The following PNPLA6 variants were observed in gnomAD, a reference collection of about 807,000 sequenced individuals.
The protein encoded by PNPLA6 is patatin like domain 6, lysophospholipase.
In PNPLA6, 105 loss-of-function variants were observed where a neutral mutation model predicts 153.7. The observed-to-expected ratio is 0.68, with a 90% CI of 0.58 to 0.80. The LOEUF is 0.80. Among genes scored for constraint, PNPLA6 ranks in the 30% least tolerant of loss-of-function variants. The pLI is 0.00. For missense variants in PNPLA6, 1,423 were observed against 1,919.3 expected (o/e 0.74, Z 4.83); for synonymous variants, 825 against 822.2 (o/e 1.00, Z -0.06).
At position 7,555,966 on chromosome 19, in the gene PNPLA6, A is replaced by C. The variant is rs1022109208; in HGVS notation, c.3093+203A>C. The stretch of plus-strand genomic sequence containing the variant: ...TTGGGACCTCCTGTCTACTGACCCT[A>C]ACCCATAACCCCCAACGAGAGCACC... On this transcript the variant is annotated intron_variant, in intron 24 of 31. Transcript: ENST00000600737. This position sits in a 1 kb window ranked among gnomAD's most constrained non-coding sequence, Gnocchi z 6.3. Among the ~76,000 whole-genome samples, 2 of 151,332 alleles carry C rather than the reference A, an allele frequency of 1.3e-5. No individual in the cohort carries two copies. Among genetic ancestry groups the C allele is most frequent in the Non-Finnish European group, 1.5e-5 (1 of 67,886 alleles).
chr19:7,553,771 G>A (rs1386390572), intron 18 of PNPLA6, 104 bp from the exon 19 acceptor site: 1 of 1,475,944 alleles, frequency 6.8e-7, no homozygotes, highest in Non-Finnish European at 9.5e-7. Flanking sequence ...GAGCACAGGA[G>A]CAAGAATTTC....
rs779667737 is a variant in PNPLA6, at chr19:7,556,464, G to A, written c.3105G>A (p.Ser1035=). ...RAREWAKSMT[S]VLEPVLDLTY... ...CCCCTTGTCCCTAGAGCATGACTTCGGTGCTGGAACCTGTGTTGGACCTCA... is the reference window on the plus strand; with the variant it reads ...CCCCTTGTCCCTAGAGCATGACTTCAGTGCTGGAACCTGTGTTGGACCTCA... Residue 1035 remains serine, a synonymous_variant, in exon 25 of 32, where the codon TCG becomes TCA. Transcript: ENST00000600737. The A allele has an allele frequency of 6.8e-6, 11 of 1,610,876 alleles. No homozygotes were observed. Among genetic ancestry groups the A allele is most frequent in the East Asian group, 2.2e-5 (1 of 44,854 alleles).
chr19:7,548,505 C>T lies in PNPLA6; in HGVS notation c.1609-1402C>T, dbSNP rs111471918. Among the ~76,000 whole-genome samples the T allele has an allele frequency of 7.9e-3, 1,194 of 152,088 alleles. 8 individuals are homozygous for T. The highest frequency in any genetic ancestry group is 0.013 in the Non-Finnish European group (891 of 68,016). ...TGGGCCACGTGCAGCCCGTGGGCAG[C>T]AGGGTGGACAAGCTTGCTTTAAATC... On this transcript the variant is annotated intron_variant, in intron 13 of 31. Coordinates refer to ENST00000600737, the MANE Select transcript of PNPLA6 (RefSeq NM_001166114.2).
At position 7,555,437 on chromosome 19, in the gene PNPLA6, G is replaced by T. The variant is rs954933729; in HGVS notation, c.2936+70G>T. On this transcript the variant is annotated intron_variant, in intron 23 of 31. Coordinates refer to ENST00000600737, the MANE Select transcript of PNPLA6 (RefSeq NM_001166114.2). The surrounding 1 kb of genome is among the most constrained non-coding windows in gnomAD (Gnocchi z 6.3). ...AGGGTGGAGCTTCCTGGGAGAAACC[G>T]TGGGGGCGGGGCCTGGGTGTTCGAG... The T allele has an allele frequency of 1.3e-5, 18 of 1,341,704 alleles. No individual in the cohort carries two copies. The highest frequency in any genetic ancestry group is 1.9e-5 in the Non-Finnish European group (18 of 969,446). The allele number at this position is 1,341,704 out of a possible 1,614,324, so 83.1% of individuals were successfully genotyped here.
At position 7,554,608 on chromosome 19, in the gene PNPLA6, G is replaced by C. The variant is rs368814522; in HGVS notation, c.2519G>C (p.Arg840Pro). 1.3e-5 allele frequency: 21 copies of C among 1,613,934 alleles called. No homozygotes were observed. Among genetic ancestry groups the C allele is most frequent in the Admixed American group, 1.7e-5 (1 of 59,996 alleles). ...CTGGCCCAGCAGGAGGATGCACACC[G>C]TATCGTACTCTACCAGACGGACGCC... Reference protein sequence around the residue: ...GWLAQQEDAHRIVLYQTDASL... With the variant: ...GWLAQQEDAHPIVLYQTDASL... Residue 840 changes from arginine (R) to proline (P), a missense_variant, in exon 21 of 32, where the codon CGT (arginine) becomes CCT (proline). This residue lies in a region of PNPLA6 where 643 missense variants were observed against 835.2 expected (regional missense o/e 0.77). Coordinates refer to ENST00000600737, the MANE Select transcript of PNPLA6 (RefSeq NM_001166114.2).
intron 13 of PNPLA6, among the ~76,000 whole-genome samples, chr19:7,544,881 C>G (rs1019975891): frequency 3.9e-5 from 6 of 152,110 alleles, no homozygotes; most frequent in Non-Finnish European, 8.8e-5. Context: ...TTTGGGGGCC[C>G]CTGGGCCCTG....
At chr19:7,546,632 C>T (rs1374880500) in intron 13 of PNPLA6, among the ~76,000 whole-genome samples, 2 of 152,174 alleles carry the variant, frequency 1.3e-5, no homozygotes, top group Non-Finnish European at 2.9e-5. Context: ...TGGTCTTGAA[C>T]TCCTGACCTG....
chr19:7,556,897 G>T, intron 26 of PNPLA6, 173 bp downstream of exon 26: 1 of 697,718 alleles, frequency 1.4e-6, no homozygotes, highest in Non-Finnish European at 2.6e-6. Flanking sequence ...CCCCAGGTAC[G>T]TCCGTCCTTG....
chr19:7,558,855 A>C lies in PNPLA6; in HGVS notation c.3403A>C (p.Ile1135Leu), dbSNP rs1240608308. ...GGYINNLPADIARSMGAKTVI... is the reference protein window; with the variant it reads ...GGYINNLPADLARSMGAKTVI... Reference sequence around the variant, plus strand: ...TGACCCCCCTGGCCCCACAGCGGACATCGCCCGCAGCATGGGTGCCAAAAC... The same window carrying C: ...TGACCCCCCTGGCCCCACAGCGGACCTCGCCCGCAGCATGGGTGCCAAAAC... The change falls in exon 28 of 32, where the codon ATC becomes CTC. Residue 1135 changes from isoleucine to leucine, a missense_variant. By Grantham distance (5) the Ile-to-Leu change is conservative. Around this residue, in one of 10 missense-constraint regions of PNPLA6, gnomAD observed 643 missense variants for 835.2 expected, o/e 0.77. Coordinates refer to ENST00000600737, the MANE Select transcript of PNPLA6 (RefSeq NM_001166114.2). The C allele has an allele frequency of 6.2e-7, 1 of 1,607,868 alleles. No individual in the cohort carries two copies. The highest frequency in any genetic ancestry group is 2.2e-5 in the East Asian group (1 of 44,832).
intron 29 of PNPLA6, 117 bp from the exon 30 acceptor site, chr19:7,560,897 C>A: frequency 1.2e-6 from 1 of 856,602 alleles, no homozygotes; most frequent in Non-Finnish European, 1.9e-6. Context: ...CCTCTGCTGA[C>A]TTCAGAGAGT....
rs568874677 is a variant in PNPLA6, at chr19:7,544,268, C to T, written c.1608+1184C>T. 7.2e-5 allele frequency among the ~76,000 whole-genome samples: 11 copies of T among 152,216 alleles called. No individual in the cohort carries two copies. In the East Asian group the frequency reaches 1.4e-3, roughly 19 times the overall value. ...CTGGGATTACAGGGTTGTGCCACCA[C>T]GCCTGGCTACTTTTTATATTTTTAG... is the stretch of plus-strand genomic sequence containing the variant. On this transcript the variant is annotated intron_variant, in intron 13 of 31. Coordinates refer to ENST00000600737, the MANE Select transcript of PNPLA6 (RefSeq NM_001166114.2).
Position 7,554,673 on chromosome 19 carries a change from G to A in PNPLA6, c.2584G>A (p.Asp862Asn). The part of the protein sequence containing the change: ...PWTVRCLRQA[D>N]CILIVGLGDQ... ...GACCGTGCGCTGCCTGCGACAGGCC[G>A]ACTGCATCCTCATTGTGGGCCTGGG... is the stretch of plus-strand genomic sequence containing the variant. Residue 862 changes from aspartate (D) to asparagine (N), a missense_variant, in exon 21 of 32, where the codon GAC becomes AAC. Asp to Asn is a conservative substitution (Grantham distance 23, BLOSUM62 1). Transcript: ENST00000600737. The A allele has an allele frequency of 6.2e-7, 1 of 1,613,830 alleles. No individual in the cohort carries two copies. The highest frequency in any genetic ancestry group is 8.5e-7 in the Non-Finnish European group (1 of 1,179,972).
chr19:7,550,225 A>G, intron 14 of PNPLA6, 73 bp from the exon 15 acceptor site: 1 of 1,610,940 alleles, frequency 6.2e-7, no homozygotes, highest in Admixed American at 1.7e-5. Flanking sequence ...GGGAGCCCCC[A>G]GATCTGGCCT....
chr19:7,546,096 C>T (rs1040447539), intron 13 of PNPLA6, among the ~76,000 whole-genome samples: 16 of 151,986 alleles, frequency 1.1e-4, no homozygotes, highest in African/African-American at 3.6e-4. Context: ...GGTGGCACCT[C>T]TAAGGGCATG....
At chr19:7,539,195 C>T (rs1318729122) in intron 3 of PNPLA6, among the ~76,000 whole-genome samples, 1 of 152,148 alleles carries the variant, frequency 6.6e-6, no homozygotes, top group Non-Finnish European at 1.5e-5. Flanking sequence ...TAAATGTGGC[C>T]AGCCGGGTGC....
At position 7,543,150 on chromosome 19, in the gene PNPLA6, T is replaced by G. The variant is rs1246721967; in HGVS notation, c.1608+66T>G. 7 of 1,346,102 alleles carry G rather than the reference T, an allele frequency of 5.2e-6. No individual in the cohort carries two copies. In the Admixed American group the frequency reaches 1.2e-4, roughly 23 times the overall value. 83.4% of individuals were successfully genotyped at this position (1,346,102 alleles called of 1,614,324 possible). A position where few individuals can be genotyped will look rare whatever the true frequency, so the allele number is the denominator to read the frequency against. Reference sequence around the variant, plus strand: ...CATTCCCTATGACTTCTGTGACCTCTGATCCCTGCCCTTTGACTGTAAGAC... The same window carrying G: ...CATTCCCTATGACTTCTGTGACCTCGGATCCCTGCCCTTTGACTGTAAGAC... On this transcript the variant is annotated intron_variant, in intron 13 of 31. Transcript: ENST00000600737.
chr19:7,550,500 C>T lies in PNPLA6; in HGVS notation c.1947-17C>T, dbSNP rs2023596048. The T allele has an allele frequency of 1.9e-6, 3 of 1,612,804 alleles. No homozygotes were observed. The highest frequency in any genetic ancestry group is 1.3e-5 in the African/African-American group (1 of 74,942). ...CCTGGGGGTGGTCAGACCTTGCTGACCTCCACGCCCACTCAGGCAGGGCGA... is the reference window on the plus strand; with the variant it reads ...CCTGGGGGTGGTCAGACCTTGCTGATCTCCACGCCCACTCAGGCAGGGCGA... On this transcript the variant is annotated splice_polypyrimidine_tract_variant and intron_variant, in intron 15 of 31. Coordinates refer to ENST00000600737, the MANE Select transcript of PNPLA6 (RefSeq NM_001166114.2).
chr19:7,536,581 G>C, intron 3 of PNPLA6, 35 bp downstream of exon 3: 1 of 1,376,500 alleles, frequency 7.3e-7, no homozygotes, highest in Non-Finnish European at 1.0e-6. Context: ...GGTATTAGGG[G>C]TTATCTCAGG....
chr19:7,555,089 CG>C lies in PNPLA6; in HGVS notation c.2817+16del. ...CCTGCCAAGCTGGTGAGGAGCGGGC[CG>C]GCCCCCACCTTCTAGGGGCGTGGCT... On this transcript the variant is annotated intron_variant, in intron 22 of 31. Coordinates refer to ENST00000600737, the MANE Select transcript of PNPLA6 (RefSeq NM_001166114.2). This position sits in a 1 kb window ranked among gnomAD's most constrained non-coding sequence, Gnocchi z 6.3. The C allele has an allele frequency of 1.9e-6, 3 of 1,591,212 alleles. No individual in the cohort carries two copies. Among genetic ancestry groups the C allele is most frequent in the African/African-American group, 1.3e-5 (1 of 74,932 alleles).
Sources: gnomAD v4.1 joint callset for allele counts (sites outside exome capture counted in the v4.1 genomes callset) on GRCh38, gnomAD v4.1.1 for gene constraint, gnomAD v4.1.1 regional missense constraint, Gnocchi (gnomAD v3.1) non-coding constraint, MANE v1.5 for transcripts, NCBI Gene and HGNC (gene_info 2026-07-23, HGNC 2026-07-21) for gene names.